PDXDC1: variants seen among roughly 807,000 people sequenced by gnomAD.
PDXDC1 encodes pyridoxal dependent decarboxylase domain containing 1.
Under a neutral mutation model 100.1 loss-of-function variants are expected in PDXDC1, and 42 were observed. The observed-to-expected ratio is 0.42, with a 90% CI of 0.33 to 0.54. The LOEUF is 0.54. Among genes scored for constraint, PDXDC1 ranks in the 20% least tolerant of loss-of-function variants. The pLI, the probability that PDXDC1 is intolerant of heterozygous loss-of-function variation, is 0.10. For missense variants in PDXDC1, 636 were observed against 979.2 expected, an observed-to-expected ratio of 0.65 and a Z score of 4.68; for synonymous variants, 260 against 371.7, an observed-to-expected ratio of 0.70 and a Z score of 3.46.
At chr16:15,085,549 C>T in intron 16 of PDXDC1, 1 of 1,561,142 alleles carries the variant, frequency 6.4e-7, no homozygotes, top group Non-Finnish European at 8.7e-7. Flanking sequence ...AACTCTTGGC[C>T]TCAAGTGATC....
At chr16:15,125,559 A>C in intron 16 of PDXDC1, 3 of 1,566,982 alleles carry the variant, frequency 1.9e-6, no homozygotes, top group Admixed American at 1.7e-5. Flanking sequence ...ACCTCTTAGA[A>C]TCATCCAGAA....
intron 16 of PDXDC1, among the ~76,000 whole-genome samples, chr16:15,056,290 G>C (rs1302818198): frequency 6.6e-6 from 1 of 152,234 alleles, no homozygotes; most frequent in East Asian, 1.9e-4. Context: ...GTGAAGGAGC[G>C]GGGAAAGGAG....
At position 15,033,231 on chromosome 16, in the gene PDXDC1, C is replaced by G. The variant is rs753925735; in HGVS notation, c.1691-47C>G. On this transcript the variant is annotated intron_variant, in intron 18 of 22. Coordinates refer to ENST00000396410, the MANE Select transcript of PDXDC1 (RefSeq NM_015027.4). The stretch of plus-strand genomic sequence containing the variant: ...CAGGAGAGTAGGTCCACGTCTCACC[C>G]ATGACAGAGGACTGAGAAACTCAAG... 1.8e-5 allele frequency: 29 copies of G among 1,609,678 alleles called. No homozygotes were observed. In the East Asian group the frequency reaches 6.0e-4, roughly 33 times the overall value.
chr16:15,007,290 C>G (rs994204458), intron 6 of PDXDC1, among the ~76,000 whole-genome samples: 1 of 151,992 alleles, frequency 6.6e-6, no homozygotes, highest in Non-Finnish European at 1.5e-5. Context: ...CCTGCCTCAG[C>G]CTCCCAAGTA....
Position 15,132,896 on chromosome 16 carries a change from C to A in PDXDC1, c.1400-5983C>A, listed in dbSNP as rs1485140366. 1.9e-6 allele frequency: 3 copies of A among 1,592,422 alleles called. No homozygotes were observed. The Admixed American group carries it at 5.0e-5, about 27-fold the overall frequency. ...GTACTGGGGCAGGCAGGCGGCACAG[C>A]AAGCTGTCAGCAGGGCAGGAGACCG... On this transcript the variant is annotated intron_variant, in intron 16 of 16. Coordinates refer to the PDXDC1 transcript ENST00000535621.
intron 1 of PDXDC1, among the ~76,000 whole-genome samples, chr16:14,993,989 TG>T (rs1298681299): frequency 6.6e-6 from 1 of 152,278 alleles, no homozygotes; most frequent in Non-Finnish European, 1.5e-5. Flanking sequence ...TTGATGGGGT[TG>T]TTTTTTTCTT....
the PDXDC1 span, among the ~76,000 whole-genome samples, chr16:15,150,413 C>T: frequency 1.7e-4 from 26 of 150,964 alleles, no homozygotes; most frequent in African/African-American, 6.3e-4. Context: ...ACCTGTAATC[C>T]CAGCACTTCG....
At chr16:14,987,486 TTAGTAA>T (rs1969647439) in intron 1 of PDXDC1, among the ~76,000 whole-genome samples, 1 of 152,302 alleles carries the variant, frequency 6.6e-6, no homozygotes, top group Non-Finnish European at 1.5e-5. Context: ...CCAGTAAGTA[TTAGTAA>T]TTATAAGGAT....
chr16:15,122,817 T>TGTGGAG (rs2047491695), intron 16 of PDXDC1, among the ~76,000 whole-genome samples: 1 of 22,396 alleles, frequency 4.5e-5, no homozygotes, highest in Non-Finnish European at 8.8e-5. Flanking sequence ...GGATCTGAGT[T>TGTGGAG]GGGGAGGGGG....
intron 16 of PDXDC1, chr16:15,044,492 T>G (rs914288197): frequency 2.3e-6 from 2 of 878,170 alleles, no homozygotes; most frequent in Non-Finnish European, 3.8e-6. Flanking sequence ...ATTCTCAGTT[T>G]CCATGAACAC....
intron 16 of PDXDC1, among the ~76,000 whole-genome samples, chr16:15,132,453 G>T (rs1183652250): frequency 1.4e-5 from 2 of 146,192 alleles, no homozygotes; most frequent in Admixed American, 6.8e-5. Context: ...GGGGAGAGTG[G>T]AAGGCACAGA....
At chr16:15,035,111 T>C (rs2043325195) in intron 21 of PDXDC1, among the ~76,000 whole-genome samples, 1 of 152,122 alleles carries the variant, frequency 6.6e-6, no homozygotes. Flanking sequence ...ATGACTCCAT[T>C]GTCATGAAAG....
the PDXDC1 span, among the ~76,000 whole-genome samples, chr16:15,147,861 G>T: frequency 6.6e-6 from 1 of 151,886 alleles, no homozygotes; most frequent in Non-Finnish European, 1.5e-5. Flanking sequence ...GCTAATTTTT[G>T]TATTTTTAGT....
At chr16:15,084,195 A>G (rs535404025) in intron 16 of PDXDC1, among the ~76,000 whole-genome samples, 4 of 152,240 alleles carry the variant, frequency 2.6e-5, no homozygotes, top group Admixed American at 2.6e-4. Flanking sequence ...AAAAGAAGAA[A>G]AAATCATCAA....
chr16:15,009,829 A>G (rs2041108663), intron 8 of PDXDC1, 70 bp downstream of exon 8: 7 of 1,610,696 alleles, frequency 4.3e-6, no homozygotes, highest in East Asian at 4.5e-5. Context: ...AGCCTATAAA[A>G]GATAAAGTCT....
intron 16 of PDXDC1, chr16:15,131,572 G>A (rs966863704): frequency 5.7e-5 from 92 of 1,607,864 alleles, no homozygotes; most frequent in Non-Finnish European, 7.7e-5. Context: ...GAGCACGCGG[G>A]AGCGCGTGAG....
chr16:15,038,493 CT>C, downstream of PDXDC1: 1 of 806,140 alleles, frequency 1.2e-6, no homozygotes, highest in Non-Finnish European at 2.1e-6. Flanking sequence ...CAGCTATGAC[CT>C]GGTCTAAACC....
intron 1 of PDXDC1, chr16:14,996,212 C>T: frequency 4.1e-6 from 1 of 241,024 alleles, no homozygotes; most frequent in Non-Finnish European, 8.3e-6. Context: ...GTAACAATTT[C>T]TGAATCTTAT....
the PDXDC1 span, among the ~76,000 whole-genome samples, chr16:15,148,650 C>T: frequency 7.9e-5 from 12 of 151,662 alleles, no homozygotes; most frequent in African/African-American, 2.9e-4. Flanking sequence ...TCCCAAACTG[C>T]TGGGATTCCA....
Sources: gnomAD v4.1 joint callset for allele counts (sites outside exome capture counted in the v4.1 genomes callset) on GRCh38, gnomAD v4.1.1 for gene constraint, MANE v1.5 for transcripts, NCBI Gene and HGNC (gene_info 2026-07-23, HGNC 2026-07-21) for gene names.